The following LOC128462377 variants were observed in gnomAD, a reference collection of about 807,000 sequenced individuals.
At chr16:89,358,024 A>G in the LOC128462377 span, among the ~76,000 whole-genome samples, 1 of 152,226 alleles carries the variant, frequency 6.6e-6, no homozygotes, top group African/African-American at 2.4e-5. Context: ...CTTCCTTTCC[A>G]AAGACTGAAC....
chr16:89,361,406 C>T, the LOC128462377 span: 1 of 152,304 alleles, frequency 6.6e-6, no homozygotes. Context: ...CATGAGCTGC[C>T]TCATTCAGGC....
At chr16:89,323,562 C>CCCAGGGCAGGGGGG in the LOC128462377 span, among the ~76,000 whole-genome samples, 1 of 31,468 alleles carries the variant, frequency 3.2e-5, no homozygotes, top group Non-Finnish European at 7.5e-5. Flanking sequence ...GGGGTCTGAG[C>CCCAGGGCAGGGGGG]TAAGGGCACG....
At chr16:89,383,014 G>T in the LOC128462377 span, among the ~76,000 whole-genome samples, 1 of 152,168 alleles carries the variant, frequency 6.6e-6, no homozygotes, top group African/African-American at 2.4e-5. Flanking sequence ...CTTGTAAAGC[G>T]TAACTTTTAA....
the LOC128462377 span, among the ~76,000 whole-genome samples, chr16:89,321,703 A>G: frequency 1.4e-5 from 2 of 143,130 alleles, no homozygotes; most frequent in Admixed American, 6.9e-5. Context: ...AAACTCACAG[A>G]AAAAAAAAAA....
At chr16:89,403,610 T>G in the LOC128462377 span, 1 of 151,954 alleles carries the variant, frequency 6.6e-6, no homozygotes. Context: ...ATAAAAGCCC[T>G]GCTGCCTCCC....
At chr16:89,351,484 T>C in the LOC128462377 span, among the ~76,000 whole-genome samples, 1 of 152,214 alleles carries the variant, frequency 6.6e-6, no homozygotes, top group Non-Finnish European at 1.5e-5. Context: ...GATTCTCATT[T>C]CATAAATATA....
chr16:89,356,525 T>C, the LOC128462377 span, among the ~76,000 whole-genome samples: 1 of 150,792 alleles, frequency 6.6e-6, no homozygotes, highest in African/African-American at 2.4e-5. Context: ...TAATCCCAGC[T>C]CTTTGGGAGG....
chr16:89,352,028 C>T, the LOC128462377 span, among the ~76,000 whole-genome samples: 1,149 of 152,146 alleles, frequency 7.6e-3, 14 homozygotes, highest in African/African-American at 0.026. Context: ...CTCACGCCTC[C>T]GCTGAAATGA....
the LOC128462377 span, among the ~76,000 whole-genome samples, chr16:89,358,875 G>T: frequency 6.6e-6 from 1 of 151,968 alleles, no homozygotes; most frequent in African/African-American, 2.4e-5. Flanking sequence ...GCCCAGGCTG[G>T]AGCGCAGTGG....
chr16:89,384,259 G>A, the LOC128462377 span, among the ~76,000 whole-genome samples: 945 of 152,190 alleles, frequency 6.2e-3, 10 homozygotes, highest in African/African-American at 0.022. Flanking sequence ...GGCTGGGCAC[G>A]GTGGCTCACG....
the LOC128462377 span, among the ~76,000 whole-genome samples, chr16:89,366,285 G>C: frequency 4.6e-5 from 7 of 152,128 alleles, no homozygotes; most frequent in African/African-American, 1.7e-4. Flanking sequence ...TGCTGCAATG[G>C]ACATTCGCCC....
the LOC128462377 span, among the ~76,000 whole-genome samples, chr16:89,338,474 A>T: frequency 4.6e-5 from 7 of 151,804 alleles, no homozygotes; most frequent in East Asian, 1.2e-3. Flanking sequence ...ACACCTGTGT[A>T]ATCCCAGCAC....
the LOC128462377 span, among the ~76,000 whole-genome samples, chr16:89,388,678 C>G: frequency 6.6e-6 from 1 of 152,178 alleles, no homozygotes; most frequent in African/African-American, 2.4e-5. Context: ...CGGGGACCCC[C>G]TTGGAGGTTT....
At chr16:89,338,726 CAAAAAAAAAA>C in the LOC128462377 span, among the ~76,000 whole-genome samples, 7 of 43,794 alleles carry the variant, frequency 1.6e-4, no homozygotes, top group African/African-American at 2.0e-4. Flanking sequence ...CACTCAGTCT[CAAAAAAAAAA>C]AAAAAAAAAA....
the LOC128462377 span, among the ~76,000 whole-genome samples, chr16:89,334,156 A>C: frequency 1.4e-5 from 2 of 138,498 alleles, no homozygotes; most frequent in African/African-American, 2.7e-5. Flanking sequence ...AAAAAAAAAA[A>C]AAAAAAAAAA....
chr16:89,410,876 G>A, the LOC128462377 span, among the ~76,000 whole-genome samples: 1 of 152,116 alleles, frequency 6.6e-6, no homozygotes, highest in African/African-American at 2.4e-5. Flanking sequence ...CCACATGTGC[G>A]TGAACACGTG....
At chr16:89,363,417 T>C in the LOC128462377 span, among the ~76,000 whole-genome samples, 1 of 151,832 alleles carries the variant, frequency 6.6e-6, no homozygotes, top group African/African-American at 2.4e-5. Flanking sequence ...ATGGCACATG[T>C]ATACATATGT....
chr16:89,395,612 C>G, the LOC128462377 span: 23 of 152,352 alleles, frequency 1.5e-4, 1 homozygote, highest in African/African-American at 5.1e-4. Flanking sequence ...CATTTGCAAG[C>G]ATAGGTATCA....
chr16:89,346,511 A>G, the LOC128462377 span, among the ~76,000 whole-genome samples: 4 of 152,248 alleles, frequency 2.6e-5, no homozygotes, highest in African/African-American at 9.6e-5. Context: ...TTGATCACAC[A>G]GACAACTACA....
Sources: gnomAD v4.1 joint callset for allele counts (sites outside exome capture counted in the v4.1 genomes callset) on GRCh38, gnomAD v4.1.1 for gene constraint, MANE v1.5 for transcripts.